The following SLC25A21 variants were observed in gnomAD, a reference collection of about 807,000 sequenced individuals.
The protein encoded by SLC25A21 is mitochondrial 2-oxodicarboxylate carrier.
In SLC25A21, 47 loss-of-function variants were observed where a neutral mutation model predicts 43.8. The observed-to-expected ratio is 1.07, with a 90% confidence interval of 0.85 to 1.37. The LOEUF is 1.37. SLC25A21 is among the 40% of genes most tolerant of loss of function. The pLI is 0.00. For missense variants in SLC25A21, 352 were observed against 350.2 expected, an observed-to-expected ratio of 1.00 and a Z score of -0.04; for synonymous variants, 131 against 121.3, an observed-to-expected ratio of 1.08 and a Z score of -0.52.
Position 36,721,446 on chromosome 14 carries a change from A to G in SLC25A21, c.438+4124T>C, listed in dbSNP as rs183369821. On this transcript the variant is annotated intron_variant, in intron 6 of 9. Coordinates refer to ENST00000331299, the MANE Select transcript of SLC25A21 (RefSeq NM_030631.4). The stretch of plus-strand genomic sequence containing the variant: ...ACCACTACACAGATGCCTTGCTGTA[A>G]GGAGATGGACTGATCACTACCATTT... 5.5e-3 allele frequency among the ~76,000 whole-genome samples: 840 copies of G among 152,294 alleles called. 12 individuals are homozygous for G. The highest frequency in any genetic ancestry group is 5.4e-3 in the Non-Finnish European group (364 of 68,026).
chr14:36,890,859 G>GTA (rs1188044628), intron 1 of SLC25A21, among the ~76,000 whole-genome samples: 4 of 152,026 alleles, frequency 2.6e-5, no homozygotes, highest in Admixed American at 6.6e-5. Context: ...ACCACAATAT[G>GTA]TACACTTTAA....
chr14:36,854,376 A>G (rs536118877), intron 2 of SLC25A21, among the ~76,000 whole-genome samples: 1 of 152,338 alleles, frequency 6.6e-6, no homozygotes, highest in South Asian at 2.1e-4. Context: ...TTTTCCCCAG[A>G]TGGAGCTAGG....
chr14:37,119,119 G>A (rs1022442699), intron 1 of SLC25A21, among the ~76,000 whole-genome samples: 1 of 152,134 alleles, frequency 6.6e-6, no homozygotes, highest in Non-Finnish European at 1.5e-5. Context: ...CTGGCGCCAT[G>A]ACAGTTTACA....
At chr14:36,806,084 C>T (rs548836700) in intron 3 of SLC25A21, among the ~76,000 whole-genome samples, 3 of 136,746 alleles carry the variant, frequency 2.2e-5, no homozygotes, top group South Asian at 5.0e-4. Flanking sequence ...AGTGTGGTGG[C>T]GGCCACCTGT....
At chr14:36,789,279 G>A (rs553018719) in intron 3 of SLC25A21, among the ~76,000 whole-genome samples, 1 of 152,096 alleles carries the variant, frequency 6.6e-6, no homozygotes, top group South Asian at 2.1e-4. Context: ...TTGAAGTTCT[G>A]CTATGGAGGC....
chr14:36,982,195 A>C (rs191209279), intron 1 of SLC25A21, among the ~76,000 whole-genome samples: 1 of 152,220 alleles, frequency 6.6e-6, no homozygotes, highest in South Asian at 2.1e-4. Flanking sequence ...AAACTATAGA[A>C]CAGATTTTAA....
At chr14:37,037,745 T>C (rs1466257276) in intron 1 of SLC25A21, among the ~76,000 whole-genome samples, 1 of 152,126 alleles carries the variant, frequency 6.6e-6, no homozygotes, top group Non-Finnish European at 1.5e-5. Context: ...TACCTCTACA[T>C]TCCCCAGCCC....
intron 1 of SLC25A21, among the ~76,000 whole-genome samples, chr14:37,150,206 T>C (rs1421427145): frequency 6.6e-6 from 1 of 152,182 alleles, no homozygotes; most frequent in Non-Finnish European, 1.5e-5. Context: ...ATTATGACTA[T>C]AATACATACC....
At chr14:36,953,179 C>A (rs1000947724) in intron 1 of SLC25A21, among the ~76,000 whole-genome samples, 10 of 152,168 alleles carry the variant, frequency 6.6e-5, no homozygotes, top group Non-Finnish European at 1.3e-4. Context: ...CAGCAATGTG[C>A]TTGAACTTTA....
intron 3 of SLC25A21, among the ~76,000 whole-genome samples, chr14:36,753,925 G>GAGAGAGAC (rs1885815159): frequency 9.6e-6 from 1 of 104,546 alleles, no homozygotes; most frequent in Non-Finnish European, 1.8e-5. Flanking sequence ...GGGACAGAGA[G>GAGAGAGAC]AGAGAGAGAG....
chr14:37,119,219 A>G (rs1963160738), intron 1 of SLC25A21, among the ~76,000 whole-genome samples: 1 of 152,160 alleles, frequency 6.6e-6, no homozygotes, highest in Non-Finnish European at 1.5e-5. Context: ...CTTTCACAGA[A>G]AACTCATAAA....
intron 1 of SLC25A21, among the ~76,000 whole-genome samples, chr14:36,997,050 CA>C (rs1960386283): frequency 2.0e-5 from 3 of 152,092 alleles, no homozygotes; most frequent in African/African-American, 7.2e-5. Flanking sequence ...CCCTGAACCA[CA>C]GGACAATTTG....
At chr14:36,779,609 CATAT>C (rs35392668) in intron 3 of SLC25A21, among the ~76,000 whole-genome samples, 5,855 of 122,306 alleles carry the variant, frequency 0.048, 149 homozygotes, top group African/African-American at 0.073. Context: ...TATGTGTATA[CATAT>C]ATATATATAT....
chr14:36,767,564 T>C (rs1297256080), intron 3 of SLC25A21, among the ~76,000 whole-genome samples: 1 of 152,228 alleles, frequency 6.6e-6, no homozygotes, highest in Non-Finnish European at 1.5e-5. Flanking sequence ...CTGAAACTAG[T>C]TATTTTAGGG....
intron 2 of SLC25A21, among the ~76,000 whole-genome samples, chr14:36,864,970 T>A (rs1381549957): frequency 1.3e-5 from 2 of 152,090 alleles, no homozygotes; most frequent in African/African-American, 2.4e-5. Flanking sequence ...CTATACCCCA[T>A]CCTCACCTTT....
intron 3 of SLC25A21, among the ~76,000 whole-genome samples, chr14:36,770,503 T>C (rs1399958798): frequency 6.6e-6 from 1 of 152,146 alleles, no homozygotes; most frequent in Non-Finnish European, 1.5e-5. Flanking sequence ...CCTGTACATG[T>C]ACCTCCTGAA....
chr14:36,781,381 G>C (rs2138379071), intron 3 of SLC25A21, among the ~76,000 whole-genome samples: 1 of 152,152 alleles, frequency 6.6e-6, no homozygotes, highest in East Asian at 1.9e-4. Flanking sequence ...GTTGTTTTCT[G>C]ACTATACTTC....
intron 1 of SLC25A21, among the ~76,000 whole-genome samples, chr14:37,080,739 A>G (rs192910123): frequency 3.9e-5 from 6 of 152,344 alleles, no homozygotes; most frequent in African/African-American, 1.2e-4. Context: ...CTGTATACTT[A>G]TAAGTGACTG....
chr14:36,682,822 G>A (rs1446779331), intron 9 of SLC25A21, among the ~76,000 whole-genome samples: 1 of 152,186 alleles, frequency 6.6e-6, no homozygotes, highest in East Asian at 1.9e-4. Context: ...GATGGGTTGG[G>A]AATTGTGGAA....
Sources: allele counts gnomAD v4.1 joint callset (sites outside exome capture counted in the v4.1 genomes callset), GRCh38; gene constraint gnomAD v4.1.1; transcripts MANE v1.5; gene names NCBI Gene and HGNC (gene_info 2026-07-23, HGNC 2026-07-21).